MYO3A: variants seen among roughly 807,000 people sequenced by gnomAD.
MYO3A encodes myosin IIIA.
A neutral mutation model predicts 192.7 loss-of-function variants in MYO3A; 180 were observed. The observed-to-expected ratio is 0.93, with a 90% CI of 0.83 to 1.06. The LOEUF is 1.06. Among genes scored for constraint, MYO3A ranks in the 50% least tolerant of loss-of-function variants. The pLI is 0.00. For missense variants in MYO3A, 1,896 were observed against 1,905.0 expected (o/e 1.00, Z 0.09); for synonymous variants, 628 against 645.3 (o/e 0.97, Z 0.41).
chr10:25,955,901 A>G (rs527584428), intron 4 of MYO3A, among the ~76,000 whole-genome samples: 124 of 152,106 alleles, frequency 8.2e-4, no homozygotes, highest in Non-Finnish European at 1.4e-3. Context: ...TTGTGCTGCT[A>G]TAACAAAAAT....
chr10:26,201,145 G>T, intron 32 of MYO3A, 120 bp from the exon 33 acceptor site: 1 of 385,086 alleles, frequency 2.6e-6, no homozygotes, highest in Admixed American at 4.7e-5. Flanking sequence ...GTATCCACTT[G>T]CTTATTTCTA....
chr10:25,965,561 C>G (rs572895668), intron 4 of MYO3A, among the ~76,000 whole-genome samples: 1 of 152,078 alleles, frequency 6.6e-6, no homozygotes, highest in Non-Finnish European at 1.5e-5. Context: ...CAGTTCGTTG[C>G]GTGATCCCCG....
intron 18 of MYO3A, among the ~76,000 whole-genome samples, chr10:26,124,188 CAAA>C (rs34682530): frequency 1.0e-4 from 9 of 89,576 alleles, no homozygotes; most frequent in African/African-American, 2.6e-4. Flanking sequence ...GACTTTGTCT[CAAA>C]AAAAAAAAAA....
In MYO3A at chr10:26,154,804, C is replaced by G; in HGVS notation, c.2774C>G (p.Thr925Arg). The G allele has an allele frequency of 6.2e-7, 1 of 1,613,248 alleles. No homozygotes were observed. The highest frequency in any genetic ancestry group is 8.5e-7 in the Non-Finnish European group (1 of 1,179,484). Residue 925 changes from threonine (T) to arginine (R), a missense_variant, in exon 25 of 35, where the codon ACG becomes AGG. By Grantham distance (71) the Thr-to-Arg change is moderately conservative. Transcript: ENST00000642920. Reference protein sequence around the residue: ...ARETTNMKTQTVASYFRYSLM... With the variant: ...ARETTNMKTQRVASYFRYSLM... ...GAGACAACCAACATGAAAACACAAA[C>G]GGTTGCATCATATTTTAGAGTAAGA...
intron 4 of MYO3A, among the ~76,000 whole-genome samples, chr10:25,993,644 G>A (rs910436057): frequency 6.6e-6 from 1 of 152,042 alleles, no homozygotes; most frequent in African/African-American, 2.4e-5. Flanking sequence ...TCTCTTGTGG[G>A]CATTTAGTGC....
rs907699477 is a variant in MYO3A, at chr10:26,145,522, T to G, written c.2493T>G (p.His831Gln). ...TGGAACTTAGTTTTGGAATTCACCA[T>G]TATGCAGGAAAGGTAAGAACTCTAA... ...KRMELSFGIH[H>Q]YAGKVLYNAS... Residue 831 changes from histidine to glutamine, a missense_variant, in exon 22 of 35, where the codon CAT becomes CAG. Coordinates refer to ENST00000642920, the MANE Select transcript of MYO3A (RefSeq NM_017433.5). 1.1e-5 allele frequency: 18 copies of G among 1,599,320 alleles called. No homozygotes were observed. The highest frequency in any genetic ancestry group is 1.5e-5 in the Non-Finnish European group (18 of 1,166,740).
chr10:26,104,813 C>T (rs550982575), intron 17 of MYO3A, among the ~76,000 whole-genome samples: 2 of 151,690 alleles, frequency 1.3e-5, no homozygotes, highest in South Asian at 4.2e-4. Flanking sequence ...TGGATGTATA[C>T]ATAGTCCAAT....
chr10:26,179,113 T>TTTTTTTTTTTTTG (rs1386278741), intron 31 of MYO3A, among the ~76,000 whole-genome samples: 5 of 142,018 alleles, frequency 3.5e-5, no homozygotes, highest in African/African-American at 1.1e-4. Context: ...TTTTTTTTTT[T>TTTTTTTTTTTTTG]TTGAGACGGA....
At chr10:26,141,397 G>C (rs186256394) in intron 20 of MYO3A, among the ~76,000 whole-genome samples, 1 of 152,066 alleles carries the variant, frequency 6.6e-6, no homozygotes, top group African/African-American at 2.4e-5. Context: ...TAAATTCTGA[G>C]TAATAGCGTT....
chr10:25,961,447 A>G (rs1192589648), intron 4 of MYO3A, among the ~76,000 whole-genome samples: 1 of 152,188 alleles, frequency 6.6e-6, no homozygotes, highest in African/African-American at 2.4e-5. Flanking sequence ...GGAATATCTT[A>G]TAAGTAAAGC....
At chr10:26,074,794 A>C (rs1198281665) in intron 14 of MYO3A, among the ~76,000 whole-genome samples, 3 of 151,712 alleles carry the variant, frequency 2.0e-5, no homozygotes, top group Non-Finnish European at 2.9e-5. Flanking sequence ...ATTTGATGTG[A>C]TATCCAAAAA....
chr10:26,083,933 A>G (rs1436826722), intron 14 of MYO3A, among the ~76,000 whole-genome samples: 1 of 152,212 alleles, frequency 6.6e-6, no homozygotes, highest in African/African-American at 2.4e-5. Flanking sequence ...TCCTTCCAAA[A>G]TGTCCTTTTT....
intron 17 of MYO3A, among the ~76,000 whole-genome samples, chr10:26,112,890 A>G (rs1326549218): frequency 2.0e-5 from 3 of 152,230 alleles, no homozygotes; most frequent in Non-Finnish European, 4.4e-5. Flanking sequence ...TTGATGATTC[A>G]ATGAGTAGTT....
chr10:25,960,354 T>G (rs1837845849), intron 4 of MYO3A, among the ~76,000 whole-genome samples: 1 of 152,140 alleles, frequency 6.6e-6, no homozygotes, highest in East Asian at 1.9e-4. Flanking sequence ...TCTTTAAAAA[T>G]AGACAATTTA....
At chr10:26,097,239 CT>C (rs1837095139) in intron 17 of MYO3A, among the ~76,000 whole-genome samples, 1 of 152,122 alleles carries the variant, frequency 6.6e-6, no homozygotes, top group Middle Eastern at 3.4e-3. Flanking sequence ...TATAAATCTG[CT>C]TTTTCTGGAC....
At chr10:26,171,110 T>G (rs1842025425) in intron 29 of MYO3A, among the ~76,000 whole-genome samples, 1 of 152,108 alleles carries the variant, frequency 6.6e-6, no homozygotes, top group Non-Finnish European at 1.5e-5. Flanking sequence ...GTAAAATGTG[T>G]TAACTCTGCT....
chr10:26,143,055 G>T (rs1445351721), intron 20 of MYO3A, among the ~76,000 whole-genome samples: 1 of 152,176 alleles, frequency 6.6e-6, no homozygotes, highest in Non-Finnish European at 1.5e-5. Flanking sequence ...GTCAGGCCGG[G>T]CGCGGTGGCT....
At chr10:26,024,980 A>G (rs1265322400) in intron 9 of MYO3A, among the ~76,000 whole-genome samples, 2 of 152,190 alleles carry the variant, frequency 1.3e-5, no homozygotes, top group East Asian at 3.8e-4. Flanking sequence ...CTGTAACTCC[A>G]GTGTCTAGCA....
intron 2 of MYO3A, among the ~76,000 whole-genome samples, chr10:25,946,199 G>A (rs1486139112): frequency 1.3e-5 from 2 of 152,114 alleles, no homozygotes; most frequent in African/African-American, 4.8e-5. Flanking sequence ...ACATTTTCAT[G>A]AGACTTCAAG....
Sources: allele counts gnomAD v4.1 joint callset (sites outside exome capture counted in the v4.1 genomes callset), GRCh38; gene constraint gnomAD v4.1.1; transcripts MANE v1.5; gene names NCBI Gene and HGNC (gene_info 2026-07-23, HGNC 2026-07-21).